Variants in KMT2C observed in about 807,000 individuals in gnomAD.
KMT2C encodes lysine methyltransferase 2C, also known as histone-lysine N-methyltransferase 2C.
KMT2C carries 88 observed loss-of-function variants against 507.9 expected under a neutral mutation model. The ratio of observed to expected loss-of-function variants is 0.17; its 90% confidence interval spans 0.15 to 0.21. The LOEUF (loss-of-function observed/expected upper bound fraction) is 0.21. KMT2C is among the 10% of genes least tolerant of loss of function. The pLI is 1.00. For synonymous variants in KMT2C, 2,049 were observed against 2,080.8 expected (o/e 0.98, Z 0.42); for missense variants, 4,954 against 5,957.8 (o/e 0.83, Z 5.55).
chr7:152,146,764 T>C (rs2091140780), intron 52 of KMT2C, 29 bp from the exon 53 acceptor site: 1 of 1,600,230 alleles, frequency 6.2e-7, no homozygotes, highest in Non-Finnish European at 8.5e-7. Flanking sequence ...ATAATTTTTA[T>C]AGGAAATAGG....
At chr7:152,373,535 G>A (rs2097306607) in intron 1 of KMT2C, among the ~76,000 whole-genome samples, 1 of 152,100 alleles carries the variant, frequency 6.6e-6, no homozygotes, top group Non-Finnish European at 1.5e-5. Flanking sequence ...ACTTAATACT[G>A]GATGTTGTGT....
chr7:152,339,115 T>C (rs1002698604), intron 2 of KMT2C, among the ~76,000 whole-genome samples: 1 of 152,368 alleles, frequency 6.6e-6, no homozygotes, highest in African/African-American at 2.4e-5. Context: ...AAAAATATTT[T>C]AGAGGTCAAT....
At chr7:152,147,912 A>G in intron 52 of KMT2C, 121 bp downstream of exon 52, 1 of 1,107,916 alleles carries the variant, frequency 9.0e-7, no homozygotes, top group South Asian at 1.9e-5. Flanking sequence ...TTGTAAATGA[A>G]AAATACACAT....
chr7:152,276,653 T>C (rs1300244104), intron 6 of KMT2C, among the ~76,000 whole-genome samples: 2 of 151,876 alleles, frequency 1.3e-5, no homozygotes, highest in East Asian at 3.9e-4. Context: ...CTCACGAGCC[T>C]GGGGTGGGAA....
At chr7:152,320,207 C>A (rs1206691730) in intron 3 of KMT2C, among the ~76,000 whole-genome samples, 2 of 151,714 alleles carry the variant, frequency 1.3e-5, no homozygotes, top group Non-Finnish European at 2.9e-5. Context: ...TTCCAAAATC[C>A]AAAAAAAATC....
At chr7:152,343,346 G>A (rs2097017481) in intron 2 of KMT2C, among the ~76,000 whole-genome samples, 1 of 151,466 alleles carries the variant, frequency 6.6e-6, no homozygotes, top group African/African-American at 2.4e-5. Flanking sequence ...AATGCTTTTA[G>A]TGGGTCTATT....
At chr7:152,409,197 G>C (rs953211253) in intron 1 of KMT2C, among the ~76,000 whole-genome samples, 2 of 151,762 alleles carry the variant, frequency 1.3e-5, no homozygotes, top group Non-Finnish European at 2.9e-5. Context: ...TTTAGGGTCA[G>C]GGTCTCACTA....
intron 14 of KMT2C, among the ~76,000 whole-genome samples, chr7:152,239,311 A>G (rs1355115593): frequency 1.3e-5 from 2 of 152,232 alleles, no homozygotes; most frequent in African/African-American, 4.8e-5. Flanking sequence ...GAATGCAAGG[A>G]GAAACATAAG....
Position 152,211,517 on chromosome 7 carries a change from T to C in KMT2C, c.3713-4089A>G, listed in dbSNP as rs185110861. ...AATGGTTTGTGGCCAAGGATAACACTGGATCTAGTACAAAGGCCACCTTTC... is the reference window on the plus strand; with the variant it reads ...AATGGTTTGTGGCCAAGGATAACACCGGATCTAGTACAAAGGCCACCTTTC... On this transcript the variant is annotated intron_variant, in intron 23 of 58. Coordinates refer to ENST00000262189, the MANE Select transcript of KMT2C (RefSeq NM_170606.3). Among the ~76,000 whole-genome samples, 213 of 152,288 alleles carry C rather than the reference T, an allele frequency of 1.4e-3. 1 individual carries two copies. The highest frequency in any genetic ancestry group is 2.5e-3 in the Admixed American group (38 of 15,300).
intron 1 of KMT2C, among the ~76,000 whole-genome samples, chr7:152,423,585 TTAGA>T (rs1444402446): frequency 2.0e-5 from 3 of 152,076 alleles, no homozygotes; most frequent in Non-Finnish European, 4.4e-5. Flanking sequence ...GTCTGAGAAG[TTAGA>T]TAAAGGGAGA....
intron 52 of KMT2C, among the ~76,000 whole-genome samples, chr7:152,147,234 G>C (rs1433357158): frequency 6.6e-6 from 1 of 151,996 alleles, no homozygotes; most frequent in Admixed American, 6.6e-5. Flanking sequence ...ATAAGCAAAA[G>C]TGACAATCTA....
Position 152,163,543 on chromosome 7 carries a change from G to A in KMT2C, c.10034C>T (p.Pro3345Leu), listed in dbSNP as rs759090783. The A allele has an allele frequency of 8.1e-6, 13 of 1,610,246 alleles. No individual in the cohort carries two copies. The highest frequency in any genetic ancestry group is 3.3e-5 in the Admixed American group (2 of 59,812). ...WQPNSAPAHL[P>L]LNPPRIQPPI... ...GGGCTGAATTCTAGGAGGATTGAGG[G>A]GCAGGTGGGCAGGAGCACTGTTGGG... The change falls in exon 43 of 59, where the codon CCC becomes CTC. Residue 3345 changes from proline (P) to leucine (L), a missense_variant. By Grantham distance (98) the Pro-to-Leu change is moderately conservative. Around this residue, in one of 29 missense-constraint regions of KMT2C, gnomAD observed 801 missense variants for 751.2 expected, o/e 1.07. Coordinates refer to ENST00000262189, the MANE Select transcript of KMT2C (RefSeq NM_170606.3).
At chr7:152,368,454 A>C (rs1449186256) in intron 1 of KMT2C, 2 of 1,208,530 alleles carry the variant, frequency 1.7e-6, no homozygotes, top group East Asian at 2.5e-5. Context: ...TCAAATAAAA[A>C]GTTCAAAAAC....
intron 18 of KMT2C, among the ~76,000 whole-genome samples, chr7:152,227,353 T>C (rs960331233): frequency 1.3e-5 from 2 of 152,248 alleles, no homozygotes; most frequent in Non-Finnish European, 2.9e-5. Context: ...CATGGTACCA[T>C]GTCCAAAGTT....
intron 1 of KMT2C, among the ~76,000 whole-genome samples, chr7:152,418,001 G>GGAGT (rs1211573970): frequency 6.7e-6 from 1 of 149,812 alleles, no homozygotes; most frequent in Non-Finnish European, 1.5e-5. Flanking sequence ...CACCTAGGCT[G>GGAGT]GAGTGAAGTG....
intron 46 of KMT2C, 54 bp downstream of exon 46, chr7:152,155,856 T>A: frequency 6.6e-7 from 1 of 1,522,716 alleles, no homozygotes; most frequent in Admixed American, 2.2e-5. Flanking sequence ...ATACATTTAT[T>A]TTTTTTAAAA....
At chr7:152,218,148 A>G (rs1442296990) in intron 23 of KMT2C, among the ~76,000 whole-genome samples, 6 of 152,150 alleles carry the variant, frequency 3.9e-5, no homozygotes, top group Admixed American at 6.5e-5. Context: ...AAGAACATAC[A>G]AAAGACATAT....
At chr7:152,226,412 T>C (rs1420241755) in intron 18 of KMT2C, among the ~76,000 whole-genome samples, 1 of 151,922 alleles carries the variant, frequency 6.6e-6, no homozygotes, top group Admixed American at 6.6e-5. Flanking sequence ...TTTGTACTTT[T>C]AGTAGAGATG....
rs192344570 is a variant in KMT2C at position 152,177,614 on chromosome 7, C to T, written c.7839G>A (p.Gln2613=). ...GCACAGGTAGCTGATTAGGTAGACCCTGGGGAGGTCGTCGCATGGGGTCTG... is the reference window on the plus strand; with the variant it reads ...GCACAGGTAGCTGATTAGGTAGACCTTGGGGAGGTCGTCGCATGGGGTCTG... ...RHTDPMRRPP[Q]GLPNQLPVHP... is the part of the protein sequence containing the mutation. The change falls in exon 38 of 59, where the codon CAG becomes CAA. Residue 2613 remains glutamine, a synonymous_variant. Coordinates refer to ENST00000262189, the MANE Select transcript of KMT2C (RefSeq NM_170606.3). 7 of 1,614,042 alleles carry T rather than the reference C, an allele frequency of 4.3e-6. No individual in the cohort carries two copies. The African/African-American group carries it at 5.3e-5, about 12-fold the overall frequency.
Sources: gnomAD v4.1 joint callset for allele counts (sites outside exome capture counted in the v4.1 genomes callset) on GRCh38, gnomAD v4.1.1 for gene constraint, gnomAD v4.1.1 regional missense constraint, MANE v1.5 for transcripts, NCBI Gene and HGNC (gene_info 2026-07-23, HGNC 2026-07-21) for gene names.